THSD4: variants seen among roughly 807,000 people sequenced by gnomAD.
THSD4 encodes the protein thrombospondin type 1 domain containing 4.
THSD4 carries 69 observed loss-of-function variants against 119.0 expected under a neutral mutation model. The observed-to-expected ratio is 0.58, with a 90% CI of 0.48 to 0.71. THSD4 has a LOEUF of 0.71. Among genes scored for constraint, THSD4 ranks in the 30% least tolerant of loss-of-function variants. The pLI, the probability that THSD4 is intolerant of heterozygous loss-of-function variation, is 0.00. For missense variants in THSD4, 1,393 were observed against 1,391.1 expected (o/e 1.00, Z -0.02); for synonymous variants, 524 against 540.4 (o/e 0.97, Z 0.42).
chr15:71,369,515 C>A (rs1307776704), intron 6 of THSD4, among the ~76,000 whole-genome samples: 4 of 152,082 alleles, frequency 2.6e-5, no homozygotes, highest in African/African-American at 7.2e-5. Flanking sequence ...TTGTCAAAGG[C>A]CTTTTCTGCA....
chr15:71,631,449 T>A (rs959478737), intron 7 of THSD4, among the ~76,000 whole-genome samples: 7 of 152,204 alleles, frequency 4.6e-5, no homozygotes, highest in African/African-American at 1.7e-4. Flanking sequence ...CTGTGTTTGC[T>A]CTTTTTGTCG....
In THSD4 at chr15:71,778,164, G is replaced by A. The variant is rs2053946669; in HGVS notation, c.*790G>A. On this transcript the variant is annotated 3_prime_UTR_variant, in exon 18 of 18. Transcript: ENST00000261862. ...TGGGGCCTGTACTTAGATGTGAAAG[G>A]TGCTGCTTCATTTCTGACCAAGAGA... 6.6e-6 allele frequency: 1 copy of A among 152,244 alleles called. No homozygotes were observed. The highest frequency in any genetic ancestry group is 2.4e-5 in the African/African-American group (1 of 41,440). The allele number at this position is 152,244 out of a possible 1,614,324, so 9.4% of individuals were successfully genotyped here.
chr15:71,441,228 G>A (rs553543055), intron 7 of THSD4, among the ~76,000 whole-genome samples: 1 of 152,252 alleles, frequency 6.6e-6, no homozygotes, highest in East Asian at 1.9e-4. Flanking sequence ...ATGTGTCTGG[G>A]AAGTCATTTG....
intron 6 of THSD4, among the ~76,000 whole-genome samples, chr15:71,406,433 C>T (rs976414251): frequency 2.6e-5 from 4 of 152,034 alleles, no homozygotes; most frequent in Non-Finnish European, 5.9e-5. Context: ...ATGTCTCAGT[C>T]TAATTGGTTT....
intron 8 of THSD4, among the ~76,000 whole-genome samples, chr15:71,724,826 G>A (rs967589640): frequency 4.6e-5 from 7 of 150,882 alleles, no homozygotes; most frequent in African/African-American, 1.7e-4. Flanking sequence ...GGGGGGATAG[G>A]AAGAGAGGAG....
At chr15:71,385,236 T>G (rs933769502) in intron 6 of THSD4, among the ~76,000 whole-genome samples, 1 of 152,120 alleles carries the variant, frequency 6.6e-6, no homozygotes, top group African/African-American at 2.4e-5. Context: ...AGTTCAGAAC[T>G]CAAGAGAAAA....
intron 7 of THSD4, among the ~76,000 whole-genome samples, chr15:71,567,258 C>A (rs1471258174): frequency 6.6e-6 from 1 of 152,064 alleles, no homozygotes; most frequent in Non-Finnish European, 1.5e-5. Context: ...TTTGGGTTCC[C>A]CCAGACACAG....
rs150541044 is a variant in THSD4, at chr15:71,470,927, G to A, written c.1152+59104G>A. Among the ~76,000 whole-genome samples, 263 of 152,262 alleles carry A rather than the reference G, an allele frequency of 1.7e-3. 2 individuals carry two copies. The highest frequency in any genetic ancestry group is 5.9e-3 in the African/African-American group (247 of 41,562). ...TGGGATTACAGGCGTGAGCCACCGCGCCCGGCCTGAGTGAGGATTTTAAAC... is the reference window on the plus strand; with the variant it reads ...TGGGATTACAGGCGTGAGCCACCGCACCCGGCCTGAGTGAGGATTTTAAAC... On this transcript the variant is annotated intron_variant, in intron 7 of 17. Transcript: ENST00000261862.
chr15:71,313,265 A>G (rs1216097790), intron 6 of THSD4, among the ~76,000 whole-genome samples: 1 of 148,072 alleles, frequency 6.8e-6, no homozygotes, highest in Non-Finnish European at 1.5e-5. Context: ...CTTTGGCACA[A>G]CCCCGTCATT....
chr15:71,440,507 A>G (rs2047075012), intron 7 of THSD4, among the ~76,000 whole-genome samples: 2 of 152,192 alleles, frequency 1.3e-5, no homozygotes, highest in African/African-American at 2.4e-5. Flanking sequence ...TTGGATAGAT[A>G]TATAATCCCC....
intron 7 of THSD4, among the ~76,000 whole-genome samples, chr15:71,442,658 G>GTGTGTGTGTATGTA (rs1403001889): frequency 0.013 from 393 of 31,084 alleles, 17 homozygotes; most frequent in African/African-American, 0.025. Flanking sequence ...GTGTGTGTGT[G>GTGTGTGTGTATGTA]TGTATATATA....
chr15:71,137,873 T>C (rs758822199), intron 1 of THSD4, among the ~76,000 whole-genome samples: 1 of 152,180 alleles, frequency 6.6e-6, no homozygotes, highest in Non-Finnish European at 1.5e-5. Flanking sequence ...TCAATATATG[T>C]CTGGTTATTT....
chr15:71,165,797 G>GT (rs2043289572), intron 3 of THSD4, among the ~76,000 whole-genome samples: 1 of 152,138 alleles, frequency 6.6e-6, no homozygotes, highest in Non-Finnish European at 1.5e-5. Context: ...GGTGTGGTGG[G>GT]CCAGCAGGCT....
chr15:71,561,126 C>T (rs1380333672), intron 7 of THSD4, among the ~76,000 whole-genome samples: 1 of 152,086 alleles, frequency 6.6e-6, no homozygotes, highest in Admixed American at 6.5e-5. Context: ...AGGCGCCTGC[C>T]ACCACACCCG....
At chr15:71,174,554 TG>T (rs141830974) in intron 3 of THSD4, among the ~76,000 whole-genome samples, 30,667 of 30,846 alleles carry the variant, frequency 0.99, 15,246 homozygotes, top group Middle Eastern at 1. Context: ...GCAACGAGGC[TG>T]GGGGGAGGGG....
At chr15:71,535,773 A>G (rs906530073) in intron 7 of THSD4, among the ~76,000 whole-genome samples, 2 of 152,078 alleles carry the variant, frequency 1.3e-5, no homozygotes, top group East Asian at 1.9e-4. Context: ...GCCCATTTTT[A>G]ATTGAGTTTT....
intron 1 of THSD4, among the ~76,000 whole-genome samples, chr15:71,123,229 T>C (rs921612799): frequency 3.9e-5 from 6 of 152,202 alleles, no homozygotes; most frequent in Non-Finnish European, 2.9e-5. Flanking sequence ...TTAGTGGTCC[T>C]GTGTGGGCAT....
intron 7 of THSD4, among the ~76,000 whole-genome samples, chr15:71,538,954 T>A (rs1375800385): frequency 6.6e-6 from 1 of 152,230 alleles, no homozygotes; most frequent in Non-Finnish European, 1.5e-5. Context: ...CCAAGTAACA[T>A]AACCCTCCTT....
chr15:71,100,474 A>G (rs1188012584), intron 1 of THSD4, among the ~76,000 whole-genome samples: 2 of 152,108 alleles, frequency 1.3e-5, no homozygotes, highest in East Asian at 3.9e-4. Flanking sequence ...AAAGCCTTCA[A>G]ATGTGACCTC....
Sources: allele counts gnomAD v4.1 joint callset (sites outside exome capture counted in the v4.1 genomes callset), GRCh38; gene constraint gnomAD v4.1.1; transcripts MANE v1.5; gene names NCBI Gene and HGNC (gene_info 2026-07-23, HGNC 2026-07-21).